Variants in DLG5 observed in about 807,000 individuals in gnomAD.
The protein encoded by DLG5 is disks large homolog 5.
DLG5 carries 48 observed loss-of-function variants against 189.8 expected under a neutral mutation model. The observed-to-expected ratio is 0.25, with a 90% confidence interval of 0.20 to 0.32. The LOEUF (loss-of-function observed/expected upper bound fraction) is 0.32. Ranked by LOEUF, DLG5 falls within the 10% of genes least tolerant of loss-of-function variation. DLG5 has a pLI of 1.00. For synonymous variants in DLG5, 1,016 were observed against 1,054.1 expected, an observed-to-expected ratio of 0.96 and a Z score of 0.70; for missense variants, 2,160 against 2,544.7, an observed-to-expected ratio of 0.85 and a Z score of 3.25.
chr10:77,916,814 T>TA (rs1212603049), intron 1 of DLG5, among the ~76,000 whole-genome samples: 1 of 150,948 alleles, frequency 6.6e-6, no homozygotes, highest in African/African-American at 2.4e-5. Context: ...TGTACACCCA[T>TA]GGTGTCATAG....
chr10:77,910,182 G>A (rs1352113998), intron 1 of DLG5, among the ~76,000 whole-genome samples: 1 of 152,174 alleles, frequency 6.6e-6, no homozygotes, highest in Non-Finnish European at 1.5e-5. Context: ...AAGAGAGGTG[G>A]AGAGGTAGGC....
intron 27 of DLG5, among the ~76,000 whole-genome samples, chr10:77,800,057 A>G (rs1389893335): frequency 6.6e-6 from 1 of 152,152 alleles, no homozygotes; most frequent in Non-Finnish European, 1.5e-5. Flanking sequence ...AGTTGAGTCC[A>G]CTTAGACCAT....
chr10:77,876,956 A>T (rs1845119524), intron 1 of DLG5, among the ~76,000 whole-genome samples: 1 of 150,962 alleles, frequency 6.6e-6, no homozygotes, highest in Non-Finnish European at 1.5e-5. Context: ...TCAAACTTCT[A>T]GGCTCAAGCA....
chr10:77,864,510 G>A (rs1422661281), intron 2 of DLG5, among the ~76,000 whole-genome samples: 2 of 152,188 alleles, frequency 1.3e-5, no homozygotes, highest in African/African-American at 2.4e-5. Context: ...CCTGCCTGGG[G>A]TGAACGAGTG....
chr10:77,821,817 C>T lies in DLG5; in HGVS notation c.2667G>A (p.Glu889=), dbSNP rs554116313. 1.8e-5 allele frequency: 29 copies of T among 1,613,388 alleles called. No individual in the cohort carries two copies. Among genetic ancestry groups the T allele is most frequent in the Non-Finnish European group, 2.4e-5 (28 of 1,179,696 alleles). The change falls in exon 15 of 32, where the codon GAG becomes GAA. Residue 889 remains glutamate (E), a synonymous_variant. Coordinates refer to ENST00000372391, the MANE Select transcript of DLG5 (RefSeq NM_004747.4). ...VCPQACPSAS[E]RSLSSFRSDA... ...CTGAGCGGAAGGAGCTCAGGCTACG[C>T]TCAGAGGCACTGGGACAGGCCTGGG...
At chr10:77,895,796 G>C (rs1487496255) in intron 1 of DLG5, among the ~76,000 whole-genome samples, 3 of 152,196 alleles carry the variant, frequency 2.0e-5, no homozygotes, top group Admixed American at 1.3e-4. Context: ...GATCACTTGA[G>C]GTCAGGAGTT....
Position 77,821,471 on chromosome 10 carries a change from T to C in DLG5, c.3013A>G (p.Lys1005Glu). The C allele has an allele frequency of 6.2e-7, 1 of 1,612,442 alleles. No individual in the cohort carries two copies. The highest frequency in any genetic ancestry group is 1.7e-5 in the Admixed American group (1 of 59,996). The change falls in exon 15 of 32, where the codon AAG becomes GAG. Residue 1005 changes from lysine (K) to glutamate (E), a missense_variant. Lys to Glu is a moderately conservative substitution (Grantham distance 56). Around this residue, in one of 5 missense-constraint regions of DLG5, gnomAD observed 754 missense variants for 746.5 expected, o/e 1.01. Coordinates refer to ENST00000372391, the MANE Select transcript of DLG5 (RefSeq NM_004747.4). Reference protein sequence around the residue: ...PGPAHSPQPSKRAGPLTPPKP... With the variant: ...PGPAHSPQPSERAGPLTPPKP... ...GGGGGTGTCAGAGGCCCCGCCCTCT[T>C]GGAGGGCTGGGGAGAGTGAGCAGGC... is the stretch of plus-strand genomic sequence containing the variant.
chr10:77,860,768 T>A (rs1400825335), intron 2 of DLG5, among the ~76,000 whole-genome samples: 3 of 152,236 alleles, frequency 2.0e-5, no homozygotes, highest in African/African-American at 7.2e-5. Context: ...GACCTCTAAA[T>A]GATCCTAGAA....
intron 1 of DLG5, among the ~76,000 whole-genome samples, chr10:77,897,109 A>G (rs1845783145): frequency 6.6e-6 from 1 of 152,070 alleles, no homozygotes; most frequent in South Asian, 2.1e-4. Flanking sequence ...TAATCCCAAC[A>G]CTTTGGGAGG....
At chr10:77,816,154 C>T (rs1472879508) in intron 20 of DLG5, 4 of 493,662 alleles carry the variant, frequency 8.1e-6, no homozygotes, top group Non-Finnish European at 1.6e-5. Flanking sequence ...GTCACTCCAA[C>T]GTCTGGATCC....
rs985929460 is a variant in DLG5, at chr10:77,835,942, G to C, written c.1438-20C>G. Reference sequence around the variant, plus strand: ...TTTGATCTGGTGGGAGCAAGGGGCAGGAAGAGGGAGAGGTTGCTGAGCCTC... The same window carrying C: ...TTTGATCTGGTGGGAGCAAGGGGCACGAAGAGGGAGAGGTTGCTGAGCCTC... On this transcript the variant is annotated intron_variant, in intron 7 of 31. Transcript: ENST00000372391. 1.3e-6 allele frequency: 2 copies of C among 1,598,496 alleles called. No individual in the cohort carries two copies. Among genetic ancestry groups the C allele is most frequent in the Non-Finnish European group, 1.7e-6 (2 of 1,168,256 alleles).
chr10:77,829,387 G>C lies in DLG5; in HGVS notation c.2153C>G (p.Thr718Arg). The part of the protein sequence containing the change: ...RRKSLGGKVV[T>R]PLHINLSGQK... ...TCCACTGAGGTTGATGTGCAGCGGC[G>C]TGACCACCTTCCCACCCAGGGACTT... is the stretch of plus-strand genomic sequence containing the variant. The change falls in exon 12 of 32, where the codon ACG (threonine) becomes AGG (arginine). Residue 718 changes from threonine to arginine, a missense_variant. By Grantham distance (71) the Thr-to-Arg change is moderately conservative. Transcript: ENST00000372391. 1.2e-6 allele frequency: 2 copies of C among 1,614,186 alleles called. No individual in the cohort carries two copies. Among genetic ancestry groups the C allele is most frequent in the Non-Finnish European group, 8.5e-7 (1 of 1,180,046 alleles).
At chr10:77,893,739 G>A (rs75997035) in intron 1 of DLG5, among the ~76,000 whole-genome samples, 1,766 of 152,334 alleles carry the variant, frequency 0.012, 29 homozygotes, top group African/African-American at 0.041. Flanking sequence ...CATAGCCAAC[G>A]GCCTGTGGAC....
At position 77,805,809 on chromosome 10, in the gene DLG5, T is replaced by C. The variant is rs756426835; in HGVS notation, c.5020A>G (p.Asn1674Asp). Residue 1674 changes from asparagine (N) to aspartate (D), a missense_variant, in exon 27 of 32, where the codon AAT (asparagine) becomes GAT (aspartate). Asn to Asp is a conservative substitution (Grantham distance 23, BLOSUM62 1). Coordinates refer to ENST00000372391, the MANE Select transcript of DLG5 (RefSeq NM_004747.4). ...RLSMSEVKDD[N>D]SATKTLSAAA... ...GCTGACAGCGTCTTTGTGGCGCTAT[T>C]GTCATCTTTGACTTCAGACATGCTG... is the stretch of plus-strand genomic sequence containing the variant. 5 of 1,614,186 alleles carry C rather than the reference T, an allele frequency of 3.1e-6. No individual in the cohort carries two copies. The highest frequency in any genetic ancestry group is 1.7e-4 in the Middle Eastern group (1 of 6,060).
intron 1 of DLG5, among the ~76,000 whole-genome samples, chr10:77,875,336 G>A (rs1248650): frequency 0.25 from 38,738 of 152,078 alleles, 5,510 homozygotes; most frequent in Admixed American, 0.39. Flanking sequence ...ACAACAGGCG[G>A]AACCCATTTC....
intron 1 of DLG5, among the ~76,000 whole-genome samples, chr10:77,916,911 A>ATATATATATATG (rs1255052419): frequency 7.1e-6 from 1 of 140,548 alleles, no homozygotes; most frequent in Non-Finnish European, 1.5e-5. Context: ...TAGAATATAT[A>ATATATATATATG]TATATATATA....
At chr10:77,825,939 T>C (rs1413658874) in intron 13 of DLG5, among the ~76,000 whole-genome samples, 1 of 152,180 alleles carries the variant, frequency 6.6e-6, no homozygotes, top group Non-Finnish European at 1.5e-5. Flanking sequence ...TTATAACATA[T>C]CCACATTTAA....
chr10:77,836,878 A>G (rs113121111), intron 7 of DLG5, among the ~76,000 whole-genome samples: 2,114 of 149,350 alleles, frequency 0.014, 43 homozygotes, highest in African/African-American at 0.048. Flanking sequence ...TTAGTTTGCT[A>G]TTTTCAAAAA....
Position 77,794,966 on chromosome 10 carries a change from G to C in DLG5, c.5437-8C>G, listed in dbSNP as rs753176126. ...CAGGAGGCAGTGTCGGTTCTGGGGT[G>C]GGGGGTGCAGAGTGAGCCCTGGCGG... is the stretch of plus-strand genomic sequence containing the variant. On this transcript the variant is annotated splice_polypyrimidine_tract_variant and splice_region_variant and intron_variant, in intron 29 of 31. Transcript: ENST00000372391. 2 of 1,611,334 alleles carry C rather than the reference G, an allele frequency of 1.2e-6. No individual in the cohort carries two copies. The highest frequency in any genetic ancestry group is 1.7e-6 in the Non-Finnish European group (2 of 1,178,488).
Sources: allele counts gnomAD v4.1 joint callset (sites outside exome capture counted in the v4.1 genomes callset), GRCh38; gene constraint gnomAD v4.1.1; regional missense constraint gnomAD v4.1.1; transcripts MANE v1.5; gene names NCBI Gene and HGNC (gene_info 2026-07-23, HGNC 2026-07-21).